The following NCKAP1 variants were observed in gnomAD, a reference collection of about 807,000 sequenced individuals.
NCKAP1 encodes nck-associated protein 1.
In NCKAP1, 21 loss-of-function variants were observed where a neutral mutation model predicts 151.2. The observed-to-expected ratio is 0.14, with a 90% CI of 0.10 to 0.20. The LOEUF (loss-of-function observed/expected upper bound fraction) is 0.20, where lower values mean the gene tolerates loss of function less well. Ranked by LOEUF, NCKAP1 falls within the 10% of genes least tolerant of loss-of-function variation. NCKAP1 has a pLI of 1.00. For synonymous variants in NCKAP1, 484 were observed against 451.8 expected, an observed-to-expected ratio of 1.07 and a Z score of -0.90; for missense variants, 933 against 1,352.1, an observed-to-expected ratio of 0.69 and a Z score of 4.86.
intron 15 of NCKAP1, among the ~76,000 whole-genome samples, chr2:182,968,032 G>A (rs1159868979): frequency 6.6e-6 from 1 of 152,182 alleles, no homozygotes; most frequent in Non-Finnish European, 1.5e-5. Context: ...AATAAGTACT[G>A]TTTGTTACGG....
chr2:183,011,983 G>A (rs1005349517), intron 2 of NCKAP1, among the ~76,000 whole-genome samples: 1 of 152,120 alleles, frequency 6.6e-6, no homozygotes, highest in South Asian at 2.1e-4. Flanking sequence ...TGTCTAGTGA[G>A]GGATGTGTAT....
intron 26 of NCKAP1, chr2:182,934,502 GA>G (rs961506461): frequency 1.9e-3 from 447 of 231,098 alleles, no homozygotes; most frequent in Middle Eastern, 6.9e-3. Context: ...TCCATTTAAG[GA>G]AAAAAAAAAT....
At chr2:182,928,963 T>C in intron 27 of NCKAP1, 64 bp from the exon 28 acceptor site, 1 of 1,062,544 alleles carries the variant, frequency 9.4e-7, no homozygotes, top group Non-Finnish European at 1.4e-6. Context: ...GATTTGATAA[T>C]CTAAACTAAA....
intron 24 of NCKAP1, among the ~76,000 whole-genome samples, chr2:182,937,485 G>A (rs777324645): frequency 1.3e-5 from 2 of 152,122 alleles, no homozygotes; most frequent in Non-Finnish European, 2.9e-5. Context: ...AGAGAGGGAG[G>A]TAATGCCAGT....
intron 14 of NCKAP1, among the ~76,000 whole-genome samples, chr2:182,978,192 T>C (rs1697864704): frequency 6.6e-6 from 1 of 152,232 alleles, no homozygotes; most frequent in African/African-American, 2.4e-5. Context: ...AAAATGTTTA[T>C]ACATTTATTA....
rs532378876 is a variant in NCKAP1 at position 182,949,227 on chromosome 2, A to C, written c.2601+3178T>G. On this transcript the variant is annotated intron_variant, in intron 23 of 30. Transcript: ENST00000361354. Reference sequence around the variant, plus strand: ...GCTAATACATCTAGAAAAATGCAACATGTGCTCCTTCATCAGATAGGAGTA... The same window carrying C: ...GCTAATACATCTAGAAAAATGCAACCTGTGCTCCTTCATCAGATAGGAGTA... Among the ~76,000 whole-genome samples, 102 of 152,276 alleles carry C rather than the reference A, an allele frequency of 6.7e-4. 1 individual carries two copies. The South Asian group carries it at 0.02, about 31-fold the overall frequency.
chr2:182,968,179 T>C (rs181782559), intron 15 of NCKAP1, among the ~76,000 whole-genome samples: 1 of 152,312 alleles, frequency 6.6e-6, no homozygotes, highest in Admixed American at 6.5e-5. Context: ...TGGCCAGTTT[T>C]TGTTTTAGAA....
chr2:183,027,412 T>G (rs572454454), intron 1 of NCKAP1, among the ~76,000 whole-genome samples: 23 of 152,298 alleles, frequency 1.5e-4, no homozygotes, highest in African/African-American at 5.3e-4. Flanking sequence ...TCCACTTACT[T>G]GATTTATTTG....
Position 182,922,565 on chromosome 2 carries a change from TCCCCTCAGC to T in NCKAP1, c.*3128_*3136del, listed in dbSNP as rs1016467186. 2 of 152,240 alleles carry T rather than the reference TCCCCTCAGC, an allele frequency of 1.3e-5. No individual in the cohort carries two copies. The highest frequency in any genetic ancestry group is 4.8e-5 in the African/African-American group (2 of 41,416). 9.4% of individuals were successfully genotyped at this position (152,240 alleles called of 1,614,324 possible). A position where few individuals can be genotyped will look rare whatever the true frequency, so the allele number is the denominator to read the frequency against. ...TCTGGGTCTTTGCCTTTATTATTCC[TCCCCTCAGC>T]CCACTTGTGGTTCCTTCTAATCCTT... On this transcript the variant is annotated 3_prime_UTR_variant, in exon 31 of 31. Coordinates refer to ENST00000361354, the MANE Select transcript of NCKAP1 (RefSeq NM_013436.5).
chr2:182,956,938 C>T (rs770385998), intron 19 of NCKAP1: 2 of 177,658 alleles, frequency 1.1e-5, no homozygotes, highest in Non-Finnish European at 2.3e-5. Context: ...CAATGGCTTG[C>T]TCAATTTAGC....
chr2:182,984,030 C>CA (rs778537830), intron 10 of NCKAP1, among the ~76,000 whole-genome samples: 410 of 115,450 alleles, frequency 3.6e-3, no homozygotes, highest in South Asian at 6.8e-3. Flanking sequence ...GACTCCACCT[C>CA]AAAAAAAAAA....
At position 182,918,437 on chromosome 2, in the gene NCKAP1, T is replaced by A. The variant is rs1469490599; in HGVS notation, c.*7265A>T. 1.3e-5 allele frequency: 2 copies of A among 152,254 alleles called. No individual in the cohort carries two copies. 9.4% of individuals were successfully genotyped at this position (152,254 alleles called of 1,614,324 possible). ...TGCAAAGATATGGAACCAACCTAAGTGCCCACTGACCAATGAGTGGACAAA... is the reference window on the plus strand; with the variant it reads ...TGCAAAGATATGGAACCAACCTAAGAGCCCACTGACCAATGAGTGGACAAA... On this transcript the variant is annotated 3_prime_UTR_variant, in exon 31 of 31. Transcript: ENST00000361354.
chr2:182,978,506 G>A lies in NCKAP1; in HGVS notation c.1423+328C>T, dbSNP rs574733724. ...GGATAATATATATGTAAAGTGCCTG[G>A]CACAGACTAAACATTTTATAAATGG... On this transcript the variant is annotated intron_variant, in intron 14 of 30. Coordinates refer to ENST00000361354, the MANE Select transcript of NCKAP1 (RefSeq NM_013436.5). Among the ~76,000 whole-genome samples, 16 of 152,214 alleles carry A rather than the reference G, an allele frequency of 1.1e-4. No individual in the cohort carries two copies. In the East Asian group the frequency reaches 3.1e-3, roughly 29 times the overall value.
rs1444242181 is a variant in NCKAP1, at chr2:182,921,600, G to T, written c.*4102C>A. The T allele has an allele frequency of 1.3e-5, 2 of 152,254 alleles. No individual in the cohort carries two copies. The highest frequency in any genetic ancestry group is 2.9e-5 in the Non-Finnish European group (2 of 68,056). 9.4% of individuals were successfully genotyped at this position (152,254 alleles called of 1,614,324 possible). ...GAGAAAGAAGAAGGTAAGGGCTGGGGATGAGGGGTGCACTTAAACCAGAAA... is the reference window on the plus strand; with the variant it reads ...GAGAAAGAAGAAGGTAAGGGCTGGGTATGAGGGGTGCACTTAAACCAGAAA... On this transcript the variant is annotated 3_prime_UTR_variant, in exon 31 of 31. Transcript: ENST00000361354.
chr2:182,991,243 A>C (rs1457346232), intron 8 of NCKAP1, among the ~76,000 whole-genome samples: 3 of 152,200 alleles, frequency 2.0e-5, no homozygotes, highest in Non-Finnish European at 2.9e-5. Flanking sequence ...AATTGGACCA[A>C]AAAAGGCAAA....
chr2:182,934,791 T>C lies in NCKAP1; in HGVS notation c.2820A>G (p.Glu940=), dbSNP rs1241720731. The C allele has an allele frequency of 6.7e-7, 1 of 1,488,236 alleles. No individual in the cohort carries two copies. The highest frequency in any genetic ancestry group is 9.3e-7 in the Non-Finnish European group (1 of 1,070,716). The allele number at this position is 1,488,236 out of a possible 1,614,324, so 92.2% of individuals were successfully genotyped here. A position where few individuals can be genotyped will look rare whatever the true frequency, so the allele number is the denominator to read the frequency against. Reference sequence around the variant, plus strand: ...CCCTTGGAATGTGATCCTTAAAATCTTCAATTGAACTTACAAGAAAAGGAA... The same window carrying C: ...CCCTTGGAATGTGATCCTTAAAATCCTCAATTGAACTTACAAGAAAAGGAA... The part of the protein sequence containing the change: ...YHIPFLVSSI[E]DFKDHIPRET... Residue 940 remains glutamate, a synonymous_variant, in exon 26 of 31, where the codon GAA becomes GAG. Transcript: ENST00000361354.
At chr2:183,033,689 T>C (rs1030925186) in intron 1 of NCKAP1, among the ~76,000 whole-genome samples, 6 of 152,232 alleles carry the variant, frequency 3.9e-5, no homozygotes, top group Non-Finnish European at 8.8e-5. Flanking sequence ...GTTTTAAAGA[T>C]GCAATTTTAT....
intron 2 of NCKAP1, among the ~76,000 whole-genome samples, chr2:183,009,043 C>A (rs1421109533): frequency 6.6e-6 from 1 of 152,032 alleles, no homozygotes; most frequent in Non-Finnish European, 1.5e-5. Context: ...TTCAAAAATG[C>A]ATTTTTCTGA....
intron 14 of NCKAP1, among the ~76,000 whole-genome samples, chr2:182,977,782 T>C (rs34930236): frequency 0.1 from 15,574 of 152,234 alleles, 1,119 homozygotes; most frequent in African/African-American, 0.2. Context: ...TTTTGGAGAT[T>C]GGTTGTACAA....
Sources: allele counts gnomAD v4.1 joint callset (sites outside exome capture counted in the v4.1 genomes callset), GRCh38; gene constraint gnomAD v4.1.1; transcripts MANE v1.5; gene names NCBI Gene and HGNC (gene_info 2026-07-23, HGNC 2026-07-21).